The following PRKAR1A variants were observed in gnomAD, a reference collection of about 807,000 sequenced individuals.
PRKAR1A encodes cAMP-dependent protein kinase type I-alpha regulatory subunit.
Under a neutral mutation model 52.0 loss-of-function variants are expected in PRKAR1A, and 3 were observed. The ratio of observed to expected loss-of-function variants is 0.06; its 90% confidence interval spans 0.03 to 0.15. PRKAR1A has a LOEUF of 0.15. PRKAR1A is among the 10% of genes least tolerant of loss of function. PRKAR1A has a pLI of 1.00. For synonymous variants in PRKAR1A, 188 were observed against 168.4 expected, an observed-to-expected ratio of 1.12 and a Z score of -0.90; for missense variants, 240 against 477.4, an observed-to-expected ratio of 0.50 and a Z score of 4.63.
In PRKAR1A at chr17:68,531,797, G is replaced by T; in HGVS notation, c.*1348G>T. ...GCCTTATGTGTTACATTATTCCAAT[G>T]ATACCCAACAGTTTATTTTTATTAT... On this transcript the variant is annotated 3_prime_UTR_variant, in exon 11 of 11. Coordinates refer to ENST00000589228, the MANE Select transcript of PRKAR1A (RefSeq NM_002734.5). 1 of 1,032,506 alleles carries T rather than the reference G, an allele frequency of 9.7e-7. No homozygotes were observed. Among genetic ancestry groups the T allele is most frequent in the African/African-American group, 1.7e-5 (1 of 60,364 alleles). 64.0% of individuals were successfully genotyped at this position (1,032,506 alleles called of 1,614,324 possible).
At chr17:68,418,836 C>T in the PRKAR1A span, among the ~76,000 whole-genome samples, 3 of 152,284 alleles carry the variant, frequency 2.0e-5, no homozygotes, top group South Asian at 6.2e-4. Context: ...TCTGCTTCTC[C>T]TGAGCAACTG....
downstream of PRKAR1A, chr17:68,535,319 A>G: frequency 2.2e-6 from 1 of 454,144 alleles, no homozygotes. Flanking sequence ...GTGAAATTCA[A>G]GCCTATTGCT....
chr17:68,457,721 C>A, the PRKAR1A span, among the ~76,000 whole-genome samples: 6 of 152,048 alleles, frequency 3.9e-5, no homozygotes, highest in South Asian at 2.1e-4. Context: ...CCACGGCTGG[C>A]GGGCACCGCC....
chr17:68,534,554 T>TAAA, downstream of PRKAR1A, among the ~76,000 whole-genome samples: 1 of 138,808 alleles, frequency 7.2e-6, no homozygotes, highest in Non-Finnish European at 1.5e-5. Context: ...TGGGTCTTTT[T>TAAA]AGTGCCTTTT....
chr17:68,428,782 C>T, the PRKAR1A span: 385,867 of 1,461,526 alleles, frequency 0.26, 52,594 homozygotes, highest in Non-Finnish European at 0.28. Flanking sequence ...GACAACTCTA[C>T]ACGACCAGCT....
At chr17:68,443,409 G>A in the PRKAR1A span, among the ~76,000 whole-genome samples, 14 of 152,062 alleles carry the variant, frequency 9.2e-5, no homozygotes, top group East Asian at 1.9e-4. Flanking sequence ...CACCGCACCC[G>A]GCTAGCTTTG....
the PRKAR1A span, among the ~76,000 whole-genome samples, chr17:68,478,137 T>C: frequency 6.6e-6 from 1 of 152,208 alleles, no homozygotes; most frequent in African/African-American, 2.4e-5. Flanking sequence ...TATTTTGGCT[T>C]GGAATGTAAT....
intron 11 of PRKAR1A, among the ~76,000 whole-genome samples, chr17:68,550,009 A>G (rs1349558425): frequency 6.6e-6 from 1 of 152,216 alleles, no homozygotes; most frequent in Non-Finnish European, 1.5e-5. Context: ...GGACAGATAC[A>G]TTAACCTGGA....
the PRKAR1A span, chr17:68,435,829 C>T: frequency 1.1e-6 from 1 of 909,760 alleles, no homozygotes; most frequent in Non-Finnish European, 1.7e-6. Context: ...CCTGTCTCTT[C>T]CTCTGTCCCC....
chr17:68,515,283 T>C (rs1334255165), intron 1 of PRKAR1A, 111 bp from the exon 2 acceptor site: 2 of 1,264,390 alleles, frequency 1.6e-6, no homozygotes, highest in Non-Finnish European at 2.2e-6. Context: ...CAAAATCTAC[T>C]TAGAAAAAAA....
downstream of PRKAR1A, among the ~76,000 whole-genome samples, chr17:68,534,560 CTTTTT>C (rs34994040): frequency 3.5e-4 from 39 of 111,046 alleles, no homozygotes; most frequent in Middle Eastern, 4.7e-3. Context: ...TTTTTAGTGC[CTTTTT>C]TTTTTTTTTT....
chr17:68,478,009 C>T, the PRKAR1A span, among the ~76,000 whole-genome samples: 5 of 152,294 alleles, frequency 3.3e-5, no homozygotes, highest in South Asian at 2.1e-4. Flanking sequence ...AGAGGATGGC[C>T]GCTGTGCCTG....
rs555617786 is a variant in PRKAR1A at position 68,532,502 on chromosome 17, G to C, written c.*2053G>C. The stretch of plus-strand genomic sequence containing the variant: ...TGATCACATCTAAAGCTTTATCTTT[G>C]TGTAATCTAAGTATATGTGAGAAAT... On this transcript the variant is annotated 3_prime_UTR_variant, in exon 11 of 11. Transcript: ENST00000589228. 2 of 1,061,916 alleles carry C rather than the reference G, an allele frequency of 1.9e-6. No individual in the cohort carries two copies. The allele number at this position is 1,061,916 out of a possible 1,614,324, so 65.8% of individuals were successfully genotyped here. A position where few individuals can be genotyped will look rare whatever the true frequency, so the allele number is the denominator to read the frequency against.
At chr17:68,433,480 T>C in the PRKAR1A span, 1 of 1,614,010 alleles carries the variant, frequency 6.2e-7, no homozygotes, top group Non-Finnish European at 8.5e-7. Context: ...GTTGGTGACC[T>C]GTTCCAGCTT....
At chr17:68,445,167 G>C in the PRKAR1A span, among the ~76,000 whole-genome samples, 1 of 151,996 alleles carries the variant, frequency 6.6e-6, no homozygotes, top group Non-Finnish European at 1.5e-5. Context: ...TGATCTGCCC[G>C]CCTCGGCCTC....
the PRKAR1A span, among the ~76,000 whole-genome samples, chr17:68,470,254 G>A: frequency 6.6e-6 from 1 of 152,102 alleles, no homozygotes; most frequent in Non-Finnish European, 1.5e-5. Context: ...ACTAATTTTT[G>A]TATTTTTAGT....
At chr17:68,421,731 C>G in the PRKAR1A span, 1 of 1,614,008 alleles carries the variant, frequency 6.2e-7, no homozygotes, top group Non-Finnish European at 8.5e-7. Context: ...TCCAAAACCA[C>G]CTGATAGGGG....
At chr17:68,472,106 C>T in the PRKAR1A span, among the ~76,000 whole-genome samples, 5 of 152,058 alleles carry the variant, frequency 3.3e-5, no homozygotes, top group African/African-American at 9.7e-5. Flanking sequence ...GCCCAGCCTG[C>T]ACTGCCTAGT....
the PRKAR1A span, among the ~76,000 whole-genome samples, chr17:68,455,233 C>T: frequency 7.9e-5 from 12 of 151,724 alleles, no homozygotes; most frequent in Non-Finnish European, 1.5e-5. Context: ...TGTGGTGGTA[C>T]ACGTTTGTAA....
Sources: allele counts gnomAD v4.1 joint callset (sites outside exome capture counted in the v4.1 genomes callset), GRCh38; gene constraint gnomAD v4.1.1; transcripts MANE v1.5; gene names NCBI Gene and HGNC (gene_info 2026-07-23, HGNC 2026-07-21).